Variants in ADAMTS6 observed in about 807,000 individuals in gnomAD.
ADAMTS6 encodes A disintegrin and metalloproteinase with thrombospondin motifs 6.
A neutral mutation model predicts 144.3 loss-of-function variants in ADAMTS6; 23 were observed. The ratio of observed to expected loss-of-function variants is 0.16; its 90% CI spans 0.11 to 0.23. ADAMTS6 has a LOEUF of 0.23. Among genes scored for constraint, ADAMTS6 ranks in the 10% least tolerant of loss-of-function variants. The pLI is 1.00. For synonymous variants in ADAMTS6, 444 were observed against 457.5 expected (o/e 0.97, Z 0.38); for missense variants, 999 against 1,379.6 (o/e 0.72, Z 4.37).
intron 7 of ADAMTS6, among the ~76,000 whole-genome samples, chr5:65,346,286 G>T (rs1022228769): frequency 1.3e-5 from 2 of 151,824 alleles, no homozygotes; most frequent in African/African-American, 2.4e-5. Context: ...CATTCATCAT[G>T]ATCAAATGGG....
chr5:65,373,730 T>A (rs1185616609), intron 7 of ADAMTS6, among the ~76,000 whole-genome samples: 5 of 152,042 alleles, frequency 3.3e-5, no homozygotes, highest in Non-Finnish European at 4.4e-5. Flanking sequence ...TCAATAGAAA[T>A]AGAGGGAATC....
chr5:65,370,400 G>C (rs1305737260), intron 7 of ADAMTS6, among the ~76,000 whole-genome samples: 1 of 152,152 alleles, frequency 6.6e-6, no homozygotes, highest in African/African-American at 2.4e-5. Flanking sequence ...GACAGCGCGC[G>C]CAGGTCAGTG....
intron 12 of ADAMTS6, among the ~76,000 whole-genome samples, chr5:65,266,418 A>G (rs911459543): frequency 2.6e-5 from 4 of 152,080 alleles, no homozygotes; most frequent in Non-Finnish European, 5.9e-5. Context: ...AAAGTTAAGT[A>G]ACAAACATTA....
At chr5:65,304,045 A>G (rs1743702877) in intron 9 of ADAMTS6, among the ~76,000 whole-genome samples, 1 of 152,174 alleles carries the variant, frequency 6.6e-6, no homozygotes, top group African/African-American at 2.4e-5. Context: ...ACTGAAGGAG[A>G]AAATCCTGAG....
intron 24 of ADAMTS6, among the ~76,000 whole-genome samples, chr5:65,156,378 A>AC (rs201075724): frequency 8.6e-4 from 130 of 151,808 alleles, no homozygotes; most frequent in South Asian, 8.5e-3. Context: ...CCAAAAAAAA[A>AC]CCACCACCAC....
intron 12 of ADAMTS6, among the ~76,000 whole-genome samples, chr5:65,269,919 G>T (rs958238926): frequency 2.6e-4 from 40 of 151,120 alleles, no homozygotes; most frequent in African/African-American, 9.7e-4. Context: ...TCAGGCTCCT[G>T]AGTAGCTGGG....
At chr5:65,174,139 G>A (rs1432018089) in intron 22 of ADAMTS6, among the ~76,000 whole-genome samples, 1 of 152,030 alleles carries the variant, frequency 6.6e-6, no homozygotes, top group African/African-American at 2.4e-5. Flanking sequence ...TCTCCTACAG[G>A]AACTACACTA....
intron 24 of ADAMTS6, among the ~76,000 whole-genome samples, chr5:65,157,283 T>C (rs1752485530): frequency 6.6e-6 from 1 of 152,246 alleles, no homozygotes; most frequent in African/African-American, 2.4e-5. Flanking sequence ...TTTACATTAA[T>C]CTTTCAAAAC....
At chr5:65,323,065 G>C (rs1561422675) in intron 9 of ADAMTS6, among the ~76,000 whole-genome samples, 1 of 151,976 alleles carries the variant, frequency 6.6e-6, no homozygotes, top group Non-Finnish European at 1.5e-5. Flanking sequence ...ACTGGACAAA[G>C]GCATTAAAAG....
chr5:65,219,479 T>C (rs1322786184), intron 18 of ADAMTS6, among the ~76,000 whole-genome samples: 1 of 152,138 alleles, frequency 6.6e-6, no homozygotes, highest in Non-Finnish European at 1.5e-5. Flanking sequence ...TACCTACATA[T>C]GAAAAGTGAA....
In ADAMTS6 at chr5:65,149,815, C is replaced by T. The variant is rs1350553145; in HGVS notation, c.*2021G>A. 1.3e-5 allele frequency: 2 copies of T among 152,652 alleles called. No homozygotes were observed. The highest frequency in any genetic ancestry group is 4.8e-5 in the African/African-American group (2 of 41,456). 9.5% of individuals were successfully genotyped at this position (152,652 alleles called of 1,614,324 possible). A position where few individuals can be genotyped will look rare whatever the true frequency, so the allele number is the denominator to read the frequency against. ...AATTCAGTGCTCGGGCCATACTACCCATGGGCTGTTTGCCCTTCACTGAAT... is the reference window on the plus strand; with the variant it reads ...AATTCAGTGCTCGGGCCATACTACCTATGGGCTGTTTGCCCTTCACTGAAT... On this transcript the variant is annotated 3_prime_UTR_variant, in exon 25 of 25. Coordinates refer to ENST00000381055, the MANE Select transcript of ADAMTS6 (RefSeq NM_197941.4).
At chr5:65,435,209 T>A (rs1757297674) in intron 7 of ADAMTS6, among the ~76,000 whole-genome samples, 1 of 152,166 alleles carries the variant, frequency 6.6e-6, no homozygotes, top group African/African-American at 2.4e-5. Flanking sequence ...GTATTGTTAT[T>A]CCTTAATCTT....
At chr5:65,426,215 T>C (rs79133187) in intron 7 of ADAMTS6, among the ~76,000 whole-genome samples, 1 of 55,494 alleles carries the variant, frequency 1.8e-5, no homozygotes, top group East Asian at 3.7e-4. Flanking sequence ...CCTGGCTAAT[T>C]TTTTTTTTTT....
At chr5:65,224,433 C>A in intron 17 of ADAMTS6, 33 bp from the exon 18 acceptor site, 1 of 1,577,846 alleles carries the variant, frequency 6.3e-7, no homozygotes. Flanking sequence ...TATTAAGCAG[C>A]CTTGGTCAGG....
intron 21 of ADAMTS6, 26 bp downstream of exon 21, chr5:65,196,996 A>T (rs762162979): frequency 1.9e-5 from 31 of 1,600,880 alleles, no homozygotes; most frequent in Non-Finnish European, 2.4e-5. Flanking sequence ...TGAAGAAAAT[A>T]ATTCTCATTT....
intron 24 of ADAMTS6, among the ~76,000 whole-genome samples, chr5:65,161,477 C>A (rs180713343): frequency 8.5e-4 from 130 of 152,302 alleles, no homozygotes; most frequent in Non-Finnish European, 1.6e-3. Context: ...ATATAGATGG[C>A]TTACTGATTA....
intron 12 of ADAMTS6, among the ~76,000 whole-genome samples, chr5:65,268,225 C>G (rs943283555): frequency 1.3e-5 from 2 of 152,142 alleles, no homozygotes; most frequent in African/African-American, 4.8e-5. Context: ...AAATACTGGG[C>G]TATATCTCTA....
At position 65,404,971 on chromosome 5, in the gene ADAMTS6, T is replaced by C. The variant is rs1240545867; in HGVS notation, c.1073+46504A>G. On this transcript the variant is annotated intron_variant, in intron 7 of 24. Transcript: ENST00000381055. The stretch of plus-strand genomic sequence containing the variant: ...TTGAGAAGTGTCTGTTCATATCCTT[T>C]GCCCACTTTTTGATGGGGTTGTTTG... Among the ~76,000 whole-genome samples, 12 of 152,312 alleles carry C rather than the reference T, an allele frequency of 7.9e-5. No homozygotes were observed. In the South Asian group the frequency reaches 2.1e-3, roughly 26 times the overall value.
chr5:65,332,578 A>G (rs982172254), intron 8 of ADAMTS6, among the ~76,000 whole-genome samples: 2 of 151,926 alleles, frequency 1.3e-5, no homozygotes, highest in Admixed American at 1.3e-4. Flanking sequence ...ATTTTTATAA[A>G]CCTCTTTACT....
Sources: gnomAD v4.1 joint callset for allele counts (sites outside exome capture counted in the v4.1 genomes callset) on GRCh38, gnomAD v4.1.1 for gene constraint, MANE v1.5 for transcripts, NCBI Gene and HGNC (gene_info 2026-07-23, HGNC 2026-07-21) for gene names.